SUPT3H: variants seen among roughly 807,000 people sequenced by gnomAD.
SUPT3H encodes transcription initiation protein SPT3 homolog.
A neutral mutation model predicts 44.3 loss-of-function variants in SUPT3H; 44 were observed. The ratio of observed to expected loss-of-function variants is 0.99; its 90% CI spans 0.78 to 1.28. The LOEUF (loss-of-function observed/expected upper bound fraction) is 1.28, where lower values mean the gene tolerates loss of function less well. Among genes scored for constraint, SUPT3H ranks in the 50% most tolerant of loss-of-function variants. The pLI, the probability that SUPT3H is intolerant of heterozygous loss-of-function variation, is 0.00. For synonymous variants in SUPT3H, 124 were observed against 125.6 expected, an observed-to-expected ratio of 0.99 and a Z score of 0.09; for missense variants, 380 against 387.1, an observed-to-expected ratio of 0.98 and a Z score of 0.15.
At chr6:44,959,899 G>A (rs1384958109) in intron 7 of SUPT3H, among the ~76,000 whole-genome samples, 1 of 152,114 alleles carries the variant, frequency 6.6e-6, no homozygotes, top group Non-Finnish European at 1.5e-5. Flanking sequence ...ACGAGTGCAG[G>A]AATAGCTTCT....
At chr6:45,285,877 G>A (rs891010067) in intron 2 of SUPT3H, among the ~76,000 whole-genome samples, 14 of 152,182 alleles carry the variant, frequency 9.2e-5, no homozygotes, top group African/African-American at 3.4e-4. Flanking sequence ...AAACAGAATG[G>A]TACTGGTACC....
chr6:44,895,080 AT>A (rs1763910919), intron 10 of SUPT3H, among the ~76,000 whole-genome samples: 1 of 152,012 alleles, frequency 6.6e-6, no homozygotes, highest in Middle Eastern at 3.2e-3. Context: ...TTTCTTTAAC[AT>A]TTATTTTTTT....
chr6:44,828,564 A>AATGAC lies in SUPT3H; in HGVS notation c.*1247_*1251dup, dbSNP rs969034656. ...TACAATATAAGAAGGCAGGAAAGCTAATGACATAACCTCTAAATGGCATGT... is the reference window on the plus strand; with the variant it reads ...TACAATATAAGAAGGCAGGAAAGCTAATGACATGACATAACCTCTAAATGGCATGT... On this transcript the variant is annotated 3_prime_UTR_variant, in exon 11 of 11. Transcript: ENST00000371459. Among the ~76,000 whole-genome samples, 4 of 152,156 alleles carry AATGAC rather than the reference A, an allele frequency of 2.6e-5. No individual in the cohort carries two copies. Among genetic ancestry groups the AATGAC allele is most frequent in the Admixed American group, 2.6e-4 (4 of 15,274 alleles).
intron 10 of SUPT3H, among the ~76,000 whole-genome samples, chr6:44,917,200 C>T (rs1767951610): frequency 6.6e-6 from 1 of 151,992 alleles, no homozygotes; most frequent in East Asian, 1.9e-4. Context: ...ACAAAACTGA[C>T]TCAGGCAAGT....
At chr6:45,285,881 T>C (rs568206134) in intron 2 of SUPT3H, among the ~76,000 whole-genome samples, 1 of 152,272 alleles carries the variant, frequency 6.6e-6, no homozygotes, top group East Asian at 1.9e-4. Flanking sequence ...AGAATGGTAC[T>C]GGTACCAAAA....
At chr6:45,319,618 A>G (rs1230859712) in intron 2 of SUPT3H, among the ~76,000 whole-genome samples, 1 of 152,194 alleles carries the variant, frequency 6.6e-6, no homozygotes, top group Non-Finnish European at 1.5e-5. Flanking sequence ...AGTAACCACC[A>G]TCATCAAATA....
intron 3 of SUPT3H, among the ~76,000 whole-genome samples, chr6:45,025,572 T>C (rs1472450705): frequency 6.6e-6 from 1 of 152,152 alleles, no homozygotes; most frequent in Non-Finnish European, 1.5e-5. Context: ...TCTCTAAAGT[T>C]CTAAAAGGTT....
At chr6:45,362,150 G>A (rs967702171) in intron 2 of SUPT3H, among the ~76,000 whole-genome samples, 11 of 152,260 alleles carry the variant, frequency 7.2e-5, no homozygotes, top group Middle Eastern at 3.4e-3. Context: ...GTTCTTCAAG[G>A]CTCTAATACT....
chr6:45,164,325 A>ATTATATAGCC (rs1301009775), intron 2 of SUPT3H, among the ~76,000 whole-genome samples: 1 of 152,160 alleles, frequency 6.6e-6, no homozygotes, highest in Non-Finnish European at 1.5e-5. Flanking sequence ...CAGGATTAAG[A>ATTATATAGCC]TTATATAGCC....
At chr6:45,105,373 T>C (rs1162110978) in intron 3 of SUPT3H, among the ~76,000 whole-genome samples, 1 of 152,178 alleles carries the variant, frequency 6.6e-6, no homozygotes, top group Non-Finnish European at 1.5e-5. Context: ...GTAAGTTCAG[T>C]TACAGACCAC....
intron 10 of SUPT3H, among the ~76,000 whole-genome samples, chr6:44,927,960 T>C (rs987939804): frequency 2.0e-5 from 3 of 152,212 alleles, no homozygotes; most frequent in African/African-American, 4.8e-5. Context: ...AAATATACCA[T>C]AGCTACTACT....
At chr6:44,906,932 T>G (rs745554912) in intron 10 of SUPT3H, among the ~76,000 whole-genome samples, 18 of 152,236 alleles carry the variant, frequency 1.2e-4, no homozygotes, top group Non-Finnish European at 2.4e-4. Context: ...TCATAGACTT[T>G]CTGCTGGAAT....
intron 10 of SUPT3H, among the ~76,000 whole-genome samples, chr6:44,889,525 T>C (rs1297157242): frequency 6.6e-6 from 1 of 152,162 alleles, no homozygotes; most frequent in African/African-American, 2.4e-5. Context: ...GAATCCCTAT[T>C]TAATAAATGG....
At chr6:45,133,859 G>A (rs963883584) in intron 2 of SUPT3H, among the ~76,000 whole-genome samples, 2 of 152,136 alleles carry the variant, frequency 1.3e-5, no homozygotes, top group African/African-American at 2.4e-5. Flanking sequence ...ACCTCCACTC[G>A]CCTGAAGTAG....
At chr6:44,976,632 G>C (rs1269464072) in intron 6 of SUPT3H, among the ~76,000 whole-genome samples, 1 of 152,104 alleles carries the variant, frequency 6.6e-6, no homozygotes, top group East Asian at 1.9e-4. Flanking sequence ...CAAAGTGCTA[G>C]GATTACAGGC....
chr6:45,033,318 G>A (rs1039415064), intron 3 of SUPT3H, among the ~76,000 whole-genome samples: 2 of 151,778 alleles, frequency 1.3e-5, no homozygotes, highest in African/African-American at 2.4e-5. Context: ...CAAGCATGGA[G>A]ATTTAAAAAA....
intron 2 of SUPT3H, among the ~76,000 whole-genome samples, chr6:45,228,800 A>G (rs183038352): frequency 6.6e-6 from 1 of 152,118 alleles, no homozygotes; most frequent in Non-Finnish European, 1.5e-5. Context: ...CCATCACACC[A>G]GGCTAATTTT....
intron 2 of SUPT3H, among the ~76,000 whole-genome samples, chr6:45,254,592 A>G (rs1363259472): frequency 1.3e-5 from 2 of 152,214 alleles, no homozygotes; most frequent in South Asian, 2.1e-4. Context: ...ATTACAGAAG[A>G]GAGCTGTAGT....
rs976787315 is a variant in SUPT3H, at chr6:45,255,954, G to A, written c.101+109247C>T. Reference sequence around the variant, plus strand: ...TGGGAGGCCGAGGCGGGAAGATCACGAGGTCAGGAGATCGAGACCATCCTG... The same window carrying A: ...TGGGAGGCCGAGGCGGGAAGATCACAAGGTCAGGAGATCGAGACCATCCTG... On this transcript the variant is annotated intron_variant, in intron 2 of 10. Transcript: ENST00000371459. 1.6e-4 allele frequency among the ~76,000 whole-genome samples: 25 copies of A among 152,152 alleles called. 1 individual carries two copies. Among genetic ancestry groups the A allele is most frequent in the Admixed American group, 5.9e-4 (9 of 15,274 alleles).
Sources: allele counts gnomAD v4.1 joint callset (sites outside exome capture counted in the v4.1 genomes callset), GRCh38; gene constraint gnomAD v4.1.1; transcripts MANE v1.5; gene names NCBI Gene and HGNC (gene_info 2026-07-23, HGNC 2026-07-21).